NDST1: variants seen among roughly 807,000 people sequenced by gnomAD.
NDST1 encodes bifunctional heparan sulfate N-deacetylase/N-sulfotransferase 1.
NDST1 carries 35 observed loss-of-function variants against 92.8 expected under a neutral mutation model. That is an observed-to-expected ratio of 0.38 (90% CI 0.29 to 0.50). The LOEUF is 0.50. NDST1 is among the 20% of genes least tolerant of loss of function. The pLI, the probability that NDST1 is intolerant of heterozygous loss-of-function variation, is 0.94. For synonymous variants in NDST1, 493 were observed against 500.3 expected (o/e 0.99, Z 0.19); for missense variants, 822 against 1,182.7 (o/e 0.69, Z 4.47).
chr5:150,517,102 C>T (rs1754009373), intron 1 of NDST1, among the ~76,000 whole-genome samples: 1 of 151,846 alleles, frequency 6.6e-6, no homozygotes, highest in Non-Finnish European at 1.5e-5. Context: ...TGCCTTCTTC[C>T]CCTGCACACA....
chr5:150,521,240 G>T lies in NDST1; in HGVS notation c.-15G>T, dbSNP rs3733935. The T allele has an allele frequency of 0.014, 21,663 of 1,601,446 alleles. 1,254 individuals are homozygous for T. In the East Asian group the frequency reaches 0.18, roughly 14 times the overall value. On this transcript the variant is annotated 5_prime_UTR_variant, in exon 2 of 15. Coordinates refer to ENST00000261797, the MANE Select transcript of NDST1 (RefSeq NM_001543.5). The surrounding 1 kb of genome is among the most constrained non-coding windows in gnomAD (Gnocchi z 5.9). The stretch of plus-strand genomic sequence containing the variant: ...GCAGGCCGGGCCTCCGGTGGCCAAG[G>T]TCTCGGAGGCCAGGATGCCTGCCCT...
chr5:150,517,191 G>A (rs1051614497), intron 1 of NDST1, among the ~76,000 whole-genome samples: 8 of 151,746 alleles, frequency 5.3e-5, no homozygotes, highest in Admixed American at 1.3e-4. Context: ...TCGCTCTGTC[G>A]CTCAGGCTGG....
chr5:150,556,814 T>C lies in NDST1; in HGVS notation c.*3482T>C, dbSNP rs193207596. The stretch of plus-strand genomic sequence containing the variant: ...CCCCAATTGTCTCCCAGGTAACTTA[T>C]GTGTCTGGTTTTGGAATCAGCATCC... On this transcript the variant is annotated 3_prime_UTR_variant, in exon 15 of 15. Coordinates refer to ENST00000261797, the MANE Select transcript of NDST1 (RefSeq NM_001543.5). The C allele has an allele frequency of 3.3e-5, 5 of 152,786 alleles. No individual in the cohort carries two copies. Among genetic ancestry groups the C allele is most frequent in the Admixed American group, 1.3e-4 (2 of 15,310 alleles). The allele number at this position is 152,786 out of a possible 1,614,324, so 9.5% of individuals were successfully genotyped here. A position where few individuals can be genotyped will look rare whatever the true frequency, so the allele number is the denominator to read the frequency against.
chr5:150,499,222 A>G (rs933624121), intron 1 of NDST1, among the ~76,000 whole-genome samples: 38 of 152,374 alleles, frequency 2.5e-4, no homozygotes, highest in African/African-American at 8.7e-4. Context: ...CTGGTTGCCA[A>G]CCAGAGGTTT....
In NDST1 at chr5:150,553,532, C is replaced by T. The variant is rs1424040770; in HGVS notation, c.*200C>T. On this transcript the variant is annotated 3_prime_UTR_variant, in exon 15 of 15. Transcript: ENST00000261797. This position sits in a 1 kb window ranked among gnomAD's most constrained non-coding sequence, Gnocchi z 4.2. ...GAGCACCCACCGCTGGGTCTGCGGC[C>T]TAAGGGACCTCCCTCGCCAGCAGAG... is the stretch of plus-strand genomic sequence containing the variant. 2 of 669,244 alleles carry T rather than the reference C, an allele frequency of 3.0e-6. No homozygotes were observed. Among genetic ancestry groups the T allele is most frequent in the African/African-American group, 3.6e-5 (2 of 56,276 alleles). 41.5% of individuals were successfully genotyped at this position (669,244 alleles called of 1,614,324 possible). A position where few individuals can be genotyped will look rare whatever the true frequency, so the allele number is the denominator to read the frequency against.
chr5:150,513,496 T>C (rs1461471855), intron 1 of NDST1, among the ~76,000 whole-genome samples: 1 of 152,098 alleles, frequency 6.6e-6, no homozygotes. Context: ...ATTCAAAGAT[T>C]CAAGCTCAGG....
At chr5:150,552,730 A>G in intron 14 of NDST1, 2 of 224,768 alleles carry the variant, frequency 8.9e-6, no homozygotes, top group South Asian at 1.3e-4. Flanking sequence ...TTAGTGAGCT[A>G]TATTTTGATG....
intron 4 of NDST1, among the ~76,000 whole-genome samples, chr5:150,534,214 A>G (rs1019773152): frequency 7.2e-5 from 11 of 152,084 alleles, no homozygotes; most frequent in African/African-American, 2.4e-4. Flanking sequence ...CTCCTGCCTT[A>G]GCCTCCCAAG....
intron 1 of NDST1, among the ~76,000 whole-genome samples, chr5:150,511,122 C>T (rs1753701938): frequency 6.6e-6 from 1 of 152,176 alleles, no homozygotes; most frequent in Admixed American, 6.5e-5. Flanking sequence ...TGGGGGGAAT[C>T]TAGGTCATGG....
At chr5:150,516,760 G>C (rs561382476) in intron 1 of NDST1, among the ~76,000 whole-genome samples, 1 of 152,226 alleles carries the variant, frequency 6.6e-6, no homozygotes, top group East Asian at 1.9e-4. Flanking sequence ...CTGCCTCCTG[G>C]GTTCAAGTGA....
chr5:150,499,029 G>T lies in NDST1; in HGVS notation c.-388+790G>T, dbSNP rs559613665. On this transcript the variant is annotated intron_variant, in intron 1 of 1. Coordinates refer to the NDST1 transcript ENST00000518299. ...CCCCAGAAGAGCCTTCTCCATCCTT[G>T]CAGCCCAGCACCAATGCCTTCTCTT... Among the ~76,000 whole-genome samples the T allele has an allele frequency of 3.3e-5, 5 of 152,282 alleles. No individual in the cohort carries two copies. In the South Asian group the frequency reaches 6.2e-4, roughly 19 times the overall value.
At chr5:150,536,001 A>T in intron 6 of NDST1, 116 bp downstream of exon 6, 1 of 1,272,924 alleles carries the variant, frequency 7.9e-7, no homozygotes, top group Non-Finnish European at 1.1e-6. Flanking sequence ...GGGGTTGCAG[A>T]TCAGCTTCTG....
rs898781214 is a variant in NDST1, at chr5:150,540,246, G to A, written c.1731G>A (p.Glu577=). 6.2e-7 allele frequency: 1 copy of A among 1,609,680 alleles called. No individual in the cohort carries two copies. The highest frequency in any genetic ancestry group is 1.7e-5 in the Admixed American group (1 of 59,924). The change falls in exon 8 of 15, where the codon GAG becomes GAA. Residue 577 remains glutamate, a synonymous_variant. Coordinates refer to ENST00000261797, the MANE Select transcript of NDST1 (RefSeq NM_001543.5). ...AGTACTTCCAGATCTTCTCCGAGGA[G>A]AAGGACCCGCTCTGGCAGGTGGGGG... ...AQKYFQIFSE[E]KDPLWQDPCE... is the part of the protein sequence containing the mutation.
intron 10 of NDST1, 88 bp downstream of exon 10, chr5:150,543,059 G>A: frequency 1.3e-6 from 2 of 1,559,402 alleles, no homozygotes; most frequent in Non-Finnish European, 8.8e-7. Flanking sequence ...GGAAGCAGCT[G>A]GAGCTTGCTC....
chr5:150,512,585 C>T (rs1581348806), intron 1 of NDST1, among the ~76,000 whole-genome samples: 1 of 152,256 alleles, frequency 6.6e-6, no homozygotes, highest in East Asian at 1.9e-4. Flanking sequence ...TCTCTTGCTC[C>T]TTCCCTCTGG....
At chr5:150,528,836 G>C (rs761434222) in intron 3 of NDST1, among the ~76,000 whole-genome samples, 4 of 152,144 alleles carry the variant, frequency 2.6e-5, no homozygotes, top group Non-Finnish European at 4.4e-5. Context: ...TTGAAGTATT[G>C]AATATGAGGA....
chr5:150,521,425 G>A lies in NDST1; in HGVS notation c.171G>A (p.Gly57=), dbSNP rs748939936. 6.2e-7 allele frequency: 1 copy of A among 1,612,984 alleles called. No individual in the cohort carries two copies. The highest frequency in any genetic ancestry group is 1.1e-5 in the South Asian group (1 of 91,066). Residue 57 remains glycine, a synonymous_variant, in exon 2 of 15, where the codon GGG becomes GGA. Coordinates refer to ENST00000261797, the MANE Select transcript of NDST1 (RefSeq NM_001543.5). This position sits in a 1 kb window ranked among gnomAD's most constrained non-coding sequence, Gnocchi z 5.9. The part of the protein sequence containing the change: ...PSADAPEPDC[G]DPPPVAPSRL... ...CGGATGCCCCCGAGCCTGACTGCGG[G>A]GACCCGCCGCCTGTGGCCCCCAGTC...
At chr5:150,532,752 C>G (rs935791749) in intron 3 of NDST1, among the ~76,000 whole-genome samples, 193 bp from the exon 4 acceptor site, 3 of 152,178 alleles carry the variant, frequency 2.0e-5, no homozygotes, top group Admixed American at 6.5e-5. Context: ...GTCTTGAACT[C>G]CTGACCTCAA....
At chr5:150,522,477 G>T (rs1232885872) in intron 2 of NDST1, among the ~76,000 whole-genome samples, 1 of 152,126 alleles carries the variant, frequency 6.6e-6, no homozygotes, top group African/African-American at 2.4e-5. Context: ...GGATCCAGAG[G>T]CTGTGGTCAG....
Sources: gnomAD v4.1 joint callset for allele counts (sites outside exome capture counted in the v4.1 genomes callset) on GRCh38, gnomAD v4.1.1 for gene constraint, Gnocchi (gnomAD v3.1) non-coding constraint, MANE v1.5 for transcripts, NCBI Gene and HGNC (gene_info 2026-07-23, HGNC 2026-07-21) for gene names.